The following TEX15 variants were observed in gnomAD, a reference collection of about 807,000 sequenced individuals.
TEX15 encodes testis expressed 15, meiosis and synapsis associated.
Under a neutral mutation model 237.3 loss-of-function variants are expected in TEX15, and 171 were observed. That is an observed-to-expected ratio of 0.72 (90% confidence interval 0.64 to 0.82). TEX15 has a LOEUF of 0.82. Among genes scored for constraint, TEX15 ranks in the 40% least tolerant of loss-of-function variants. The probability of loss-of-function intolerance (pLI) is 0.00; values close to 1 mark genes in which losing one functional copy is unlikely to be tolerated. For missense variants in TEX15, 3,750 were observed against 3,646.5 expected (o/e 1.03, Z -0.73); for synonymous variants, 1,338 against 1,269.8 (o/e 1.05, Z -1.14).
Position 30,846,379 on chromosome 8 carries a change from G to C in TEX15, c.3788C>G (p.Thr1263Ser), listed in dbSNP as rs764201208. ...TATTGTTGTGACATTAGAAGGTTCAGTAAACAAAGATTCACTGTTCTGATT... is the reference window on the plus strand; with the variant it reads ...TATTGTTGTGACATTAGAAGGTTCACTAAACAAAGATTCACTGTTCTGATT... ...SENQNSESLF[T>S]EPSNVTTIDD... Residue 1263 changes from threonine to serine, a missense_variant, in exon 8 of 11, where the codon ACT becomes AGT. Thr to Ser is a moderately conservative substitution (Grantham distance 58). Transcript: ENST00000643185. 5.6e-6 allele frequency: 9 copies of C among 1,613,262 alleles called. 1 individual carries two copies. In the Middle Eastern group the frequency reaches 5.0e-4, roughly 89 times the overall value.
intron 6 of TEX15, among the ~76,000 whole-genome samples, chr8:30,859,678 T>C (rs1361411070): frequency 6.6e-6 from 1 of 152,168 alleles, no homozygotes; most frequent in African/African-American, 2.4e-5. Context: ...AATTAATCTA[T>C]ATAATATCTA....
intron 3 of TEX15, among the ~76,000 whole-genome samples, chr8:30,878,244 G>A (rs1808441574): frequency 6.6e-6 from 1 of 151,882 alleles, no homozygotes; most frequent in African/African-American, 2.4e-5. Flanking sequence ...AAATTTGGGT[G>A]GTTGTCAGTT....
At chr8:30,908,232 T>A (rs918268809) in intron 1 of TEX15, among the ~76,000 whole-genome samples, 1 of 152,032 alleles carries the variant, frequency 6.6e-6, no homozygotes, top group East Asian at 1.9e-4. Flanking sequence ...CCCTATTTTT[T>A]AATTTTTTGT....
At chr8:30,906,649 T>C (rs1809108597) in intron 1 of TEX15, among the ~76,000 whole-genome samples, 6 of 151,714 alleles carry the variant, frequency 4.0e-5, no homozygotes, top group Admixed American at 3.9e-4. Context: ...TGCTTGTATT[T>C]GTACCTTGGA....
At position 30,875,048 on chromosome 8, in the gene TEX15, G is replaced by A. The variant is rs1406045799; in HGVS notation, c.191C>T (p.Thr64Ile). The change falls in exon 4 of 11, where the codon ACT becomes ATT. Residue 64 changes from threonine (T) to isoleucine (I), a missense_variant. Physicochemically the swap from Thr to Ile is moderately conservative, Grantham distance 89 (BLOSUM62 -1). Coordinates refer to ENST00000643185, the MANE Select transcript of TEX15 (RefSeq NM_001350162.2). The stretch of plus-strand genomic sequence containing the variant: ...TACATCAAGCCTGCACTGGTTAAGA[G>A]TATCATGTATAAAACTATACTCTCT... ...NSREYSFIHD[T>I]LNQCRLDVNC... 3 of 1,335,878 alleles carry A rather than the reference G, an allele frequency of 2.2e-6. No homozygotes were observed. Among genetic ancestry groups the A allele is most frequent in the East Asian group, 2.8e-5 (1 of 36,118 alleles). 82.8% of individuals were successfully genotyped at this position (1,335,878 alleles called of 1,614,324 possible). A position where few individuals can be genotyped will look rare whatever the true frequency, so the allele number is the denominator to read the frequency against.
In TEX15 at chr8:30,844,233, C is replaced by T. The variant is rs375928810; in HGVS notation, c.5934G>A (p.Ala1978=). ...CKVPTLLKKP[A]SYVSDFKEKH... is the part of the protein sequence containing the mutation. Reference sequence around the variant, plus strand: ...TTTCTTTAAAATCACTCACGTATGACGCAGGTTTCTTCAGAAGAGTAGGGA... The same window carrying T: ...TTTCTTTAAAATCACTCACGTATGATGCAGGTTTCTTCAGAAGAGTAGGGA... Residue 1978 remains alanine, a synonymous_variant, in exon 8 of 11, where the codon GCG becomes GCA. Transcript: ENST00000643185. 62 of 1,612,182 alleles carry T rather than the reference C, an allele frequency of 3.8e-5. No individual in the cohort carries two copies. Among genetic ancestry groups the T allele is most frequent in the African/African-American group, 2.0e-4 (15 of 74,920 alleles).
chr8:30,834,682 T>A (rs575519072), intron 10 of TEX15, among the ~76,000 whole-genome samples: 2 of 152,148 alleles, frequency 1.3e-5, no homozygotes, highest in African/African-American at 4.8e-5. Flanking sequence ...GGGAGAACAT[T>A]AAGTTGTTCA....
Position 30,861,867 on chromosome 8 carries a change from G to A in TEX15, c.541-1810C>T, listed in dbSNP as rs539892603. ...GGAAAAAATCCCCCCAAACTGTCAA[G>A]GAATATAAATAAGTAATTCACTAAA... On this transcript the variant is annotated intron_variant, in intron 5 of 10. Transcript: ENST00000643185. 1.0e-3 allele frequency among the ~76,000 whole-genome samples: 159 copies of A among 152,034 alleles called. 2 individuals are homozygous for A. Among genetic ancestry groups the A allele is most frequent in the Non-Finnish European group, 1.5e-4 (10 of 67,948 alleles).
rs962155530 is a variant in TEX15 at position 30,888,648 on chromosome 8, T to C, written c.-9-1337A>G. ...GTATTTTTCGTACCATTTCGTAACA[T>C]GGTTGATGGCCCTCCTGACACCTAT... On this transcript the variant is annotated intron_variant, in intron 2 of 10. Coordinates refer to ENST00000643185, the MANE Select transcript of TEX15 (RefSeq NM_001350162.2). 3.1e-6 allele frequency: 4 copies of C among 1,289,556 alleles called. No individual in the cohort carries two copies. The African/African-American group carries it at 6.1e-5, about 20-fold the overall frequency. The allele number at this position is 1,289,556 out of a possible 1,614,324, so 79.9% of individuals were successfully genotyped here.
In TEX15 at chr8:30,845,924, A is replaced by G. The variant is rs766383436; in HGVS notation, c.4243T>C (p.Ser1415Pro). ...AAATTATTGCATATTATTGCATATG[A>G]TTTTGGTAATGGGCCCTTTCTTTCT... Reference protein sequence around the residue: ...GEERKGPLPKSYAIICNNFWE... With the variant: ...GEERKGPLPKPYAIICNNFWE... Residue 1415 changes from serine (S) to proline (P), a missense_variant, in exon 8 of 11, where the codon TCA (serine) becomes CCA (proline). By Grantham distance (74) the Ser-to-Pro change is moderately conservative. Coordinates refer to ENST00000643185, the MANE Select transcript of TEX15 (RefSeq NM_001350162.2). 6.2e-7 allele frequency: 1 copy of G among 1,613,418 alleles called. No individual in the cohort carries two copies. The highest frequency in any genetic ancestry group is 1.1e-5 in the South Asian group (1 of 90,998).
At chr8:30,889,853 T>C (rs981092772) in intron 2 of TEX15, among the ~76,000 whole-genome samples, 2 of 150,454 alleles carry the variant, frequency 1.3e-5, no homozygotes, top group Non-Finnish European at 1.5e-5. Flanking sequence ...ATAACCTTTA[T>C]ATTTATATGT....
At position 30,849,010 on chromosome 8, in the gene TEX15, C is replaced by T. The variant is rs746787426; in HGVS notation, c.1157G>A (p.Ser386Asn). The T allele has an allele frequency of 1.2e-6, 2 of 1,614,164 alleles. No homozygotes were observed. Among genetic ancestry groups the T allele is most frequent in the Admixed American group, 1.7e-5 (1 of 60,026 alleles). The change falls in exon 8 of 11, where the codon AGT (serine) becomes AAT (asparagine). Residue 386 changes from serine to asparagine, a missense_variant. Ser to Asn is a conservative substitution (Grantham distance 46). Transcript: ENST00000643185. The part of the protein sequence containing the change: ...AHDSDISLMP[S>N]DAKDSVNGDL... ...ACCATTAACACTGTCTTTGGCATCA[C>T]TGGGCATAAGTGAAATGTCTGAATC...
At chr8:30,880,180 C>A (rs371640544) in intron 3 of TEX15, among the ~76,000 whole-genome samples, 1 of 151,790 alleles carries the variant, frequency 6.6e-6, no homozygotes, top group African/African-American at 2.4e-5. Context: ...AGGCACCCAC[C>A]ACCACGCCTA....
At chr8:30,876,557 T>C (rs1329348868) in intron 3 of TEX15, among the ~76,000 whole-genome samples, 2 of 152,188 alleles carry the variant, frequency 1.3e-5, no homozygotes, top group African/African-American at 4.8e-5. Context: ...TTAGCACTTT[T>C]TGGTGAGGCC....
In TEX15 at chr8:30,837,659, G is replaced by T; in HGVS notation, c.8625C>A (p.Cys2875Ter). ...CAGTTTCTGGGTTTATATCAGAAAG[G>T]CAGGATTTTTGGGTGGGATCTGGGG... ...KNSPDPTQKS[C>*]LSDINPETDV... Residue 2875 changes from cysteine to a stop codon, truncating the protein, a stop_gained, in exon 10 of 11, where the codon TGC (cysteine) becomes TGA (stop). Coordinates refer to ENST00000643185, the MANE Select transcript of TEX15 (RefSeq NM_001350162.2). LOFTEE classifies it high-confidence loss of function. 6.2e-7 allele frequency: 1 copy of T among 1,614,036 alleles called. No homozygotes were observed. Among genetic ancestry groups the T allele is most frequent in the Non-Finnish European group, 8.5e-7 (1 of 1,179,984 alleles).
rs555016875 is a variant in TEX15 at position 30,872,725 on chromosome 8, T to A, written c.302+2212A>T. 2.6e-5 allele frequency among the ~76,000 whole-genome samples: 4 copies of A among 152,006 alleles called. 1 individual carries two copies. Among genetic ancestry groups the A allele is most frequent in the Non-Finnish European group, 5.9e-5 (4 of 67,986 alleles). ...CTTATGTGTGTGTTTGTGTCTTAAG[T>A]TTTTAAATAAAGAGTTCTAAAAGTT... On this transcript the variant is annotated intron_variant, in intron 4 of 10. Transcript: ENST00000643185.
At chr8:30,856,495 G>T (rs556474251) in intron 7 of TEX15, among the ~76,000 whole-genome samples, 16 of 152,130 alleles carry the variant, frequency 1.1e-4, no homozygotes, top group African/African-American at 3.1e-4. Flanking sequence ...CGGAGGCTGC[G>T]GTGAGCCAAG....
intron 7 of TEX15, among the ~76,000 whole-genome samples, chr8:30,852,559 G>A (rs148136464): frequency 3.9e-4 from 59 of 151,600 alleles, no homozygotes; most frequent in Non-Finnish European, 7.4e-4. Context: ...CTTTTTGTTG[G>A]CATTCTCATC....
At chr8:30,853,262 T>C (rs984624483) in intron 7 of TEX15, among the ~76,000 whole-genome samples, 1 of 152,078 alleles carries the variant, frequency 6.6e-6, no homozygotes, top group African/African-American at 2.4e-5. Flanking sequence ...AAGAGAACAC[T>C]TGAACAACCT....
Sources: allele counts gnomAD v4.1 joint callset (sites outside exome capture counted in the v4.1 genomes callset), GRCh38; gene constraint gnomAD v4.1.1; transcripts MANE v1.5; gene names NCBI Gene and HGNC (gene_info 2026-07-23, HGNC 2026-07-21).